RGS6: variants seen among roughly 807,000 people sequenced by gnomAD.
RGS6 encodes regulator of G-protein signaling 6.
In RGS6, 30 loss-of-function variants were observed where a neutral mutation model predicts 78.5. That is an observed-to-expected ratio of 0.38 (90% confidence interval 0.29 to 0.52). The LOEUF is 0.52. Ranked by LOEUF, RGS6 falls within the 20% of genes least tolerant of loss-of-function variation. RGS6 has a pLI of 0.85. For synonymous variants in RGS6, 206 were observed against 206.0 expected (o/e 1.00, Z 0.00); for missense variants, 495 against 609.7 (o/e 0.81, Z 1.98).
intron 2 of RGS6, among the ~76,000 whole-genome samples, chr14:72,198,617 TAGAGA>T (rs1361888367): frequency 6.6e-6 from 1 of 152,228 alleles, no homozygotes; most frequent in Non-Finnish European, 1.5e-5. Flanking sequence ...TTCGTAAAAC[TAGAGA>T]AGAGAACAGA....
the RGS6 span, among the ~76,000 whole-genome samples, chr14:72,613,930 C>T: frequency 1.2e-4 from 19 of 152,278 alleles, 1 homozygote; most frequent in Middle Eastern, 3.4e-3. Context: ...TCCCACATCC[C>T]GGGTGCCCAG....
At chr14:72,156,899 C>A (rs930515313) in intron 2 of RGS6, among the ~76,000 whole-genome samples, 1 of 152,054 alleles carries the variant, frequency 6.6e-6, no homozygotes, top group African/African-American at 2.4e-5. Context: ...GCAGGAAAAC[C>A]GACAGGAGTT....
Position 72,013,310 on chromosome 14 carries a change from A to C in RGS6, c.84+48435A>C, listed in dbSNP as rs150941836. ...AAAAAAAAAACAACAACAACCATAA[A>C]ATAAAGCATAGTTATAGTATTCAGT... On this transcript the variant is annotated intron_variant, in intron 2 of 17. Transcript: ENST00000553525. Among the ~76,000 whole-genome samples, 665 of 149,754 alleles carry C rather than the reference A, an allele frequency of 4.4e-3. 4 individuals carry two copies. The highest frequency in any genetic ancestry group is 0.016 in the African/African-American group (645 of 40,914).
chr14:71,912,705 G>A, the RGS6 span, among the ~76,000 whole-genome samples: 1 of 152,312 alleles, frequency 6.6e-6, no homozygotes. Context: ...ACTCCAACTG[G>A]ACAGAGGACC....
the RGS6 span, among the ~76,000 whole-genome samples, chr14:71,908,824 G>T: frequency 2.2e-4 from 34 of 152,262 alleles, no homozygotes; most frequent in Admixed American, 1.2e-3. Flanking sequence ...TGACCTGAAT[G>T]ATTCCATCTT....
intron 2 of RGS6, among the ~76,000 whole-genome samples, chr14:72,127,348 C>G (rs2096220200): frequency 6.6e-6 from 1 of 152,198 alleles, no homozygotes; most frequent in Admixed American, 6.5e-5. Context: ...GTTTACTGCA[C>G]TAAATCTTTG....
intron 1 of RGS6, among the ~76,000 whole-genome samples, chr14:71,961,683 G>A (rs2093209855): frequency 6.6e-6 from 1 of 152,140 alleles, no homozygotes; most frequent in Non-Finnish European, 1.5e-5. Context: ...GGTTAGCTGT[G>A]AGTCCATATA....
Position 71,964,825 on chromosome 14 carries a change from G to C in RGS6, c.34G>C (p.Gly12Arg). The change falls in exon 2 of 18, where the codon GGG becomes CGG. Residue 12 changes from glycine (G) to arginine (R), a missense_variant. Gly to Arg is a moderately radical substitution (Grantham distance 125, BLOSUM62 -2). Transcript: ENST00000553525. ...AQGSGDQRAV[G>R]VADPEESSPN... The stretch of plus-strand genomic sequence containing the variant: ...AGGATCCGGGGATCAAAGAGCAGTG[G>C]GGGTTGCTGACCCAGAGGAGAGTTC... 6.2e-7 allele frequency: 1 copy of C among 1,613,780 alleles called. No homozygotes were observed. The highest frequency in any genetic ancestry group is 8.5e-7 in the Non-Finnish European group (1 of 1,179,928).
intron 2 of RGS6, among the ~76,000 whole-genome samples, chr14:71,996,023 G>A (rs1477712042): frequency 6.6e-6 from 1 of 152,128 alleles, no homozygotes; most frequent in Non-Finnish European, 1.5e-5. Context: ...GAGGCCTTCC[G>A]AGTCACCGGG....
intron 2 of RGS6, among the ~76,000 whole-genome samples, chr14:72,071,246 A>G (rs747066783): frequency 4.6e-5 from 7 of 152,218 alleles, no homozygotes; most frequent in Non-Finnish European, 1.0e-4. Context: ...ATACCAATAT[A>G]TGAATTTCTT....
intron 3 of RGS6, among the ~76,000 whole-genome samples, chr14:72,449,211 A>C (rs1201759375): frequency 6.6e-6 from 1 of 152,232 alleles, no homozygotes; most frequent in Non-Finnish European, 1.5e-5. Flanking sequence ...CGGCTCCAGA[A>C]ACATTTTACT....
At chr14:72,076,357 A>G (rs2094573623) in intron 2 of RGS6, among the ~76,000 whole-genome samples, 1 of 152,198 alleles carries the variant, frequency 6.6e-6, no homozygotes, top group Non-Finnish European at 1.5e-5. Flanking sequence ...AGTTTTTAAT[A>G]GATAGCATTG....
At chr14:71,873,404 A>AT in the RGS6 span, among the ~76,000 whole-genome samples, 7 of 152,026 alleles carry the variant, frequency 4.6e-5, no homozygotes, top group African/African-American at 1.7e-4. Flanking sequence ...GATGATGAGC[A>AT]TTTTTTCATG....
chr14:72,261,302 G>A (rs979423863), intron 2 of RGS6, among the ~76,000 whole-genome samples: 3 of 152,160 alleles, frequency 2.0e-5, no homozygotes, highest in Non-Finnish European at 2.9e-5. Flanking sequence ...GAAGAGCTAC[G>A]GCACAGAGTG....
intron 3 of RGS6, among the ~76,000 whole-genome samples, chr14:72,357,715 G>C (rs750554156): frequency 1.3e-5 from 2 of 152,132 alleles, no homozygotes; most frequent in Non-Finnish European, 2.9e-5. Flanking sequence ...ACACAAGAGA[G>C]CATAAAAGTT....
At chr14:72,122,262 C>T (rs969410016) in intron 2 of RGS6, among the ~76,000 whole-genome samples, 4 of 152,124 alleles carry the variant, frequency 2.6e-5, no homozygotes, top group Admixed American at 2.6e-4. Flanking sequence ...ACTGAGCAAA[C>T]TGGAATAGGC....
chr14:72,147,945 C>T (rs2096628990), intron 2 of RGS6, among the ~76,000 whole-genome samples: 1 of 152,070 alleles, frequency 6.6e-6, no homozygotes, highest in Admixed American at 6.6e-5. Flanking sequence ...TCCTGGCTAA[C>T]ATGGTGAAAC....
intron 2 of RGS6, among the ~76,000 whole-genome samples, chr14:72,059,091 G>C (rs1295554329): frequency 1.3e-5 from 2 of 152,078 alleles, no homozygotes; most frequent in Non-Finnish European, 2.9e-5. Context: ...GTAGAGACGG[G>C]GTTTTGCCAT....
chr14:71,945,094 G>A (rs994703169), intron 1 of RGS6, among the ~76,000 whole-genome samples: 4 of 152,192 alleles, frequency 2.6e-5, no homozygotes, highest in African/African-American at 9.7e-5. Context: ...ACAATTGTTT[G>A]ATTTCAGAGT....
Sources: allele counts gnomAD v4.1 joint callset (sites outside exome capture counted in the v4.1 genomes callset), GRCh38; gene constraint gnomAD v4.1.1; transcripts MANE v1.5; gene names NCBI Gene and HGNC (gene_info 2026-07-23, HGNC 2026-07-21).